FLRT2: variants seen among roughly 807,000 people sequenced by gnomAD.
FLRT2 encodes fibronectin leucine rich transmembrane protein 2.
A neutral mutation model predicts 40.0 loss-of-function variants in FLRT2; 15 were observed. The observed-to-expected ratio is 0.38, with a 90% CI of 0.25 to 0.58. FLRT2 has a LOEUF of 0.58. Among genes scored for constraint, FLRT2 ranks in the 20% least tolerant of loss-of-function variants. FLRT2 has a pLI of 0.71. For synonymous variants in FLRT2, 380 were observed against 336.8 expected, an observed-to-expected ratio of 1.13 and a Z score of -1.41; for missense variants, 726 against 840.0, an observed-to-expected ratio of 0.86 and a Z score of 1.68.
chr14:85,639,847 T>TA lies in FLRT2; in HGVS notation c.*16350_*16351insA, dbSNP rs1894107064. 1 of 100,536 alleles carries TA rather than the reference T, an allele frequency of 9.9e-6. No homozygotes were observed. The highest frequency in any genetic ancestry group is 4.1e-5 in the African/African-American group (1 of 24,172). 6.2% of individuals were successfully genotyped at this position (100,536 alleles called of 1,614,324 possible). On this transcript the variant is annotated 3_prime_UTR_variant, in exon 2 of 2. Coordinates refer to ENST00000330753, the MANE Select transcript of FLRT2 (RefSeq NM_013231.6). ...AGCAGAAATTCTTTATTTTTTTTTT[T>TA]TTCCTTTTTTTTTTTTTTTGAGACA...
chr14:85,613,777 T>G (rs1466058099), intron 1 of FLRT2, among the ~76,000 whole-genome samples: 1 of 152,156 alleles, frequency 6.6e-6, no homozygotes, highest in Non-Finnish European at 1.5e-5. Context: ...GAGCAGGCCC[T>G]GCAGCCCATT....
intron 1 of FLRT2, among the ~76,000 whole-genome samples, chr14:85,532,212 T>C (rs1050292282): frequency 2.0e-5 from 3 of 152,128 alleles, no homozygotes; most frequent in Admixed American, 1.3e-4. Context: ...GGGTTGGTCC[T>C]GGGCTAGTTT....
In FLRT2 at chr14:85,625,845, T is replaced by C. The variant is rs1306909114; in HGVS notation, c.*2348T>C. ...TTTCTGTTATTCACAAAATACTCAT[T>C]CTCATTTATGTATATTGTATGTTTA... is the stretch of plus-strand genomic sequence containing the variant. On this transcript the variant is annotated 3_prime_UTR_variant, in exon 2 of 2. Coordinates refer to ENST00000330753, the MANE Select transcript of FLRT2 (RefSeq NM_013231.6). 6.0e-6 allele frequency: 1 copy of C among 167,094 alleles called. No homozygotes were observed. The highest frequency in any genetic ancestry group is 2.4e-5 in the African/African-American group (1 of 41,446). 10.4% of individuals were successfully genotyped at this position (167,094 alleles called of 1,614,324 possible).
chr14:85,579,310 T>C (rs1891283786), intron 1 of FLRT2, among the ~76,000 whole-genome samples: 2 of 152,164 alleles, frequency 1.3e-5, no homozygotes, highest in Non-Finnish European at 2.9e-5. Flanking sequence ...AATGTGTGTC[T>C]TCTCTTGGCT....
At chr14:85,544,177 C>T (rs1261103599) in intron 1 of FLRT2, among the ~76,000 whole-genome samples, 1 of 152,222 alleles carries the variant, frequency 6.6e-6, no homozygotes, top group African/African-American at 2.4e-5. Flanking sequence ...CTGCCTTACT[C>T]TGAGCAGGTT....
At chr14:85,563,720 G>A (rs941920988) in intron 1 of FLRT2, among the ~76,000 whole-genome samples, 10 of 152,100 alleles carry the variant, frequency 6.6e-5, no homozygotes, top group African/African-American at 1.9e-4. Context: ...ATTTGGGTGC[G>A]GACACAGCAA....
chr14:85,623,107 G>A lies in FLRT2; in HGVS notation c.1593G>A (p.Gln531=). 6.2e-7 allele frequency: 1 copy of A among 1,612,600 alleles called. No homozygotes were observed. Among genetic ancestry groups the A allele is most frequent in the South Asian group, 1.1e-5 (1 of 90,978 alleles). The change falls in exon 2 of 2, where the codon CAG becomes CAA. Residue 531 remains glutamine (Q), a synonymous_variant. Coordinates refer to ENST00000330753, the MANE Select transcript of FLRT2 (RefSeq NM_013231.6). ...NGSNTASSHE[Q]TTSHSMGSPF... ...GCAACACAGCGTCCAGCCATGAGCA[G>A]ACGACGTCCCACAGCATGGGCTCCC... is the stretch of plus-strand genomic sequence containing the variant.
At chr14:85,554,444 A>G (rs1178352655) in intron 1 of FLRT2, among the ~76,000 whole-genome samples, 1 of 152,164 alleles carries the variant, frequency 6.6e-6, no homozygotes, top group Non-Finnish European at 1.5e-5. Flanking sequence ...CATTGTCTTT[A>G]AGTGCCAGCG....
Position 85,622,136 on chromosome 14 carries a change from C to A in FLRT2, c.622C>A (p.Arg208Ser), listed in dbSNP as rs759838272. 4 of 1,614,116 alleles carry A rather than the reference C, an allele frequency of 2.5e-6. No individual in the cohort carries two copies. The South Asian group carries it at 3.3e-5, about 13-fold the overall frequency. Reference protein sequence around the residue: ...MAFQNLTSLERLIVDGNLLTN... With the variant: ...MAFQNLTSLESLIVDGNLLTN... ...CTTCCAGAATCTCACGAGCTTGGAG[C>A]GTCTTATTGTGGACGGGAACCTCCT... The change falls in exon 2 of 2, where the codon CGT (arginine) becomes AGT (serine). Residue 208 changes from arginine to serine, a missense_variant. Coordinates refer to ENST00000330753, the MANE Select transcript of FLRT2 (RefSeq NM_013231.6).
In FLRT2 at chr14:85,611,120, T is replaced by C. The variant is rs548252017; in HGVS notation, c.-376-10019T>C. Among the ~76,000 whole-genome samples the C allele has an allele frequency of 3.3e-5, 5 of 152,284 alleles. No individual in the cohort carries two copies. In the South Asian group the frequency reaches 8.3e-4, roughly 25 times the overall value. Reference sequence around the variant, plus strand: ...CATGTTGGCCAGGCTGGTCTCGAACTCCTGACCTCAGATGATCCACCTGCC... The same window carrying C: ...CATGTTGGCCAGGCTGGTCTCGAACCCCTGACCTCAGATGATCCACCTGCC... On this transcript the variant is annotated intron_variant, in intron 1 of 1. Transcript: ENST00000330753.
chr14:85,588,854 CA>C (rs1374779101), intron 1 of FLRT2, among the ~76,000 whole-genome samples: 1 of 152,072 alleles, frequency 6.6e-6, no homozygotes, highest in African/African-American at 2.4e-5. Flanking sequence ...ATTTCACAAA[CA>C]AATGAGAACA....
chr14:85,601,756 C>G (rs1360336414), intron 1 of FLRT2, among the ~76,000 whole-genome samples: 1 of 152,146 alleles, frequency 6.6e-6, no homozygotes, highest in African/African-American at 2.4e-5. Flanking sequence ...TTTGTAAATT[C>G]TATGCAAATA....
intron 1 of FLRT2, chr14:85,562,528 G>A (rs1022498418): frequency 1.3e-5 from 2 of 151,642 alleles, no homozygotes; most frequent in African/African-American, 4.8e-5. Flanking sequence ...AGGATCAGAT[G>A]AGATAATAGA....
chr14:85,599,395 G>A (rs997653041), intron 1 of FLRT2, among the ~76,000 whole-genome samples: 3 of 152,050 alleles, frequency 2.0e-5, no homozygotes, highest in Non-Finnish European at 2.9e-5. Context: ...CGCTACCAAA[G>A]ATACAACATA....
At chr14:85,583,904 C>A (rs1407706355) in intron 1 of FLRT2, among the ~76,000 whole-genome samples, 1 of 151,698 alleles carries the variant, frequency 6.6e-6, no homozygotes, top group Admixed American at 6.6e-5. Context: ...CTGGGAGGAT[C>A]CCTTGAGCCC....
chr14:85,614,899 G>C (rs1202217067), intron 1 of FLRT2, among the ~76,000 whole-genome samples: 2 of 152,154 alleles, frequency 1.3e-5, no homozygotes, highest in Non-Finnish European at 2.9e-5. Flanking sequence ...CCTTTGAAAT[G>C]GATTGAAAGT....
intron 1 of FLRT2, among the ~76,000 whole-genome samples, chr14:85,567,180 T>C (rs1411312318): frequency 6.6e-6 from 1 of 152,176 alleles, no homozygotes; most frequent in East Asian, 1.9e-4. Context: ...GAAAGCATCA[T>C]ATTTGAGCTG....
chr14:85,573,657 T>G (rs1454573274), intron 1 of FLRT2, among the ~76,000 whole-genome samples: 1 of 152,000 alleles, frequency 6.6e-6, no homozygotes, highest in Non-Finnish European at 1.5e-5. Flanking sequence ...CAGCATGGAG[T>G]AAATTCTGAC....
intron 1 of FLRT2, among the ~76,000 whole-genome samples, chr14:85,587,271 A>G (rs939040558): frequency 2.7e-5 from 4 of 146,642 alleles, no homozygotes; most frequent in African/African-American, 1.0e-4. Context: ...TCCAGTTTGT[A>G]GCTGGCTAAG....
Sources: gnomAD v4.1 joint callset for allele counts (sites outside exome capture counted in the v4.1 genomes callset) on GRCh38, gnomAD v4.1.1 for gene constraint, MANE v1.5 for transcripts, NCBI Gene and HGNC (gene_info 2026-07-23, HGNC 2026-07-21) for gene names.